SORCS2: variants seen among roughly 807,000 people sequenced by gnomAD.
SORCS2 encodes the protein sortilin related VPS10 domain containing receptor 2.
SORCS2 carries 100 observed loss-of-function variants against 141.6 expected under a neutral mutation model. The observed-to-expected ratio is 0.71, with a 90% CI of 0.60 to 0.83. SORCS2 has a LOEUF of 0.83. Ranked by LOEUF, SORCS2 falls within the 40% of genes least tolerant of loss-of-function variation. The pLI is 0.00. For synonymous variants in SORCS2, 789 were observed against 676.9 expected (o/e 1.17, Z -2.57); for missense variants, 1,646 against 1,560.2 (o/e 1.05, Z -0.93).
intron 3 of SORCS2, among the ~76,000 whole-genome samples, chr4:7,608,214 A>G (rs973966794): frequency 2.0e-5 from 3 of 152,160 alleles, no homozygotes; most frequent in Admixed American, 6.5e-5. Context: ...TCCCTGGCAG[A>G]GCTGCCACCT....
intron 2 of SORCS2, among the ~76,000 whole-genome samples, chr4:7,514,553 G>A (rs1389066933): frequency 6.6e-6 from 1 of 151,994 alleles, no homozygotes; most frequent in Non-Finnish European, 1.5e-5. Context: ...GTCATGGCAG[G>A]GCAGACACTG....
chr4:7,625,205 C>A (rs1202425520), intron 3 of SORCS2, among the ~76,000 whole-genome samples: 1 of 152,120 alleles, frequency 6.6e-6, no homozygotes, highest in African/African-American at 2.4e-5. Context: ...ATTCTGTAAT[C>A]GTGTTTGAGT....
At chr4:7,274,949 G>A (rs768409871) in intron 1 of SORCS2, among the ~76,000 whole-genome samples, 1 of 152,172 alleles carries the variant, frequency 6.6e-6, no homozygotes, top group African/African-American at 2.4e-5. Context: ...CCCACAACAC[G>A]CGCTCTGTGG....
At position 7,664,280 on chromosome 4, in the gene SORCS2, C is replaced by T; in HGVS notation, c.953-73C>T. On this transcript the variant is annotated intron_variant, in intron 6 of 26. Coordinates refer to ENST00000507866, the MANE Select transcript of SORCS2 (RefSeq NM_020777.3). This position sits in a 1 kb window ranked among gnomAD's most constrained non-coding sequence, Gnocchi z 4.7. ...CAGCGGTATTGGAGGAAGATGGAGT[C>T]CAGCACATGTCTCGGGCCGTCTCTG... 1 of 1,230,054 alleles carries T rather than the reference C, an allele frequency of 8.1e-7. No homozygotes were observed. The highest frequency in any genetic ancestry group is 1.2e-6 in the Non-Finnish European group (1 of 858,422). 76.2% of individuals were successfully genotyped at this position (1,230,054 alleles called of 1,614,324 possible). A position where few individuals can be genotyped will look rare whatever the true frequency, so the allele number is the denominator to read the frequency against.
At chr4:7,484,923 G>A (rs1446018073) in intron 2 of SORCS2, among the ~76,000 whole-genome samples, 1 of 151,380 alleles carries the variant, frequency 6.6e-6, no homozygotes, top group Non-Finnish European at 1.5e-5. Context: ...AAGGCCTCCT[G>A]GCTTTCCTTC....
chr4:7,635,294 C>T (rs559976942), intron 3 of SORCS2, among the ~76,000 whole-genome samples: 1 of 152,288 alleles, frequency 6.6e-6, no homozygotes, highest in Admixed American at 6.5e-5. Flanking sequence ...TCTATCCTGA[C>T]CATCCGTGTG....
chr4:7,286,455 A>T lies in SORCS2; in HGVS notation c.480+93329A>T, dbSNP rs1195976566. ...GCAGCCACGAGGCCTGACGTTGGAG[A>T]TGCACCATCCTCTCAGCCCTGTTTC... On this transcript the variant is annotated intron_variant, in intron 1 of 26. Transcript: ENST00000507866. The surrounding 1 kb of genome is among the most constrained non-coding windows in gnomAD (Gnocchi z 4.1). Among the ~76,000 whole-genome samples, 4 of 152,262 alleles carry T rather than the reference A, an allele frequency of 2.6e-5. No individual in the cohort carries two copies. Among genetic ancestry groups the T allele is most frequent in the Non-Finnish European group, 5.9e-5 (4 of 68,020 alleles).
chr4:7,724,867 G>A (rs9799765), intron 19 of SORCS2, among the ~76,000 whole-genome samples: 5,196 of 55,832 alleles, frequency 0.093, 457 homozygotes, highest in Middle Eastern at 0.13. Flanking sequence ...TGATGGTGGT[G>A]GTAGTGGTGA....
intron 3 of SORCS2, among the ~76,000 whole-genome samples, chr4:7,620,725 A>G (rs1719108958): frequency 6.6e-6 from 1 of 152,224 alleles, no homozygotes; most frequent in Non-Finnish European, 1.5e-5. Context: ...GCTGTGGGGC[A>G]GGAGCTCTTT....
intron 2 of SORCS2, among the ~76,000 whole-genome samples, chr4:7,426,894 G>A (rs918128468): frequency 6.6e-6 from 1 of 152,206 alleles, no homozygotes; most frequent in African/African-American, 2.4e-5. Context: ...GCCCAGTTGT[G>A]CTGAGCGGGG....
At chr4:7,730,788 A>G (rs1174146617) in intron 23 of SORCS2, among the ~76,000 whole-genome samples, 1 of 152,214 alleles carries the variant, frequency 6.6e-6, no homozygotes, top group Non-Finnish European at 1.5e-5. Context: ...AGAGGATGAA[A>G]ACGTGCAGGA....
At chr4:7,589,704 T>A (rs184280161) in intron 3 of SORCS2, among the ~76,000 whole-genome samples, 33 of 152,318 alleles carry the variant, frequency 2.2e-4, no homozygotes, top group Admixed American at 1.6e-3. Context: ...CTTGGCCAGC[T>A]GAGTCCCGTT....
chr4:7,398,758 G>A (rs988644182), intron 2 of SORCS2, among the ~76,000 whole-genome samples: 10 of 152,070 alleles, frequency 6.6e-5, no homozygotes, highest in African/African-American at 9.7e-5. Flanking sequence ...TGGCTGTTAC[G>A]AGCCCCTGGA....
At chr4:7,254,395 A>T (rs1713707976) in intron 1 of SORCS2, among the ~76,000 whole-genome samples, 1 of 152,150 alleles carries the variant, frequency 6.6e-6, no homozygotes, top group African/African-American at 2.4e-5. Context: ...GGAAATCATT[A>T]TCTTAAGTGA....
intron 2 of SORCS2, among the ~76,000 whole-genome samples, chr4:7,496,459 TCC>T (rs1731631239): frequency 7.5e-5 from 2 of 26,664 alleles, no homozygotes; most frequent in Non-Finnish European, 1.3e-4. Context: ...CCGTTCCCCG[TCC>T]CCCGTCCCCC....
At chr4:7,417,450 G>C (rs915824192) in intron 2 of SORCS2, among the ~76,000 whole-genome samples, 1 of 152,184 alleles carries the variant, frequency 6.6e-6, no homozygotes, top group Admixed American at 6.5e-5. Context: ...ATGGTAGCTT[G>C]GGGGTAGAAG....
chr4:7,491,328 T>C lies in SORCS2; in HGVS notation c.549-40202T>C, dbSNP rs898629702. 3.3e-5 allele frequency among the ~76,000 whole-genome samples: 5 copies of C among 152,228 alleles called. No individual in the cohort carries two copies. In the East Asian group the frequency reaches 7.7e-4, roughly 23 times the overall value. ...TTGTGGTGCTGGGTGGCCCTGAGGC[T>C]GCACTGGGCTGGGGCACCCCACCCC... On this transcript the variant is annotated intron_variant, in intron 2 of 26. Transcript: ENST00000507866.
At chr4:7,477,369 TGGCTG>T (rs1730365261) in intron 2 of SORCS2, among the ~76,000 whole-genome samples, 1 of 135,124 alleles carries the variant, frequency 7.4e-6, no homozygotes, top group African/African-American at 2.7e-5. Context: ...GGGCTGACCG[TGGCTG>T]ACCGTGGCTG....
intron 2 of SORCS2, among the ~76,000 whole-genome samples, chr4:7,506,325 T>G (rs989870082): frequency 6.6e-6 from 1 of 152,128 alleles, no homozygotes; most frequent in African/African-American, 2.4e-5. Flanking sequence ...GGCGTCCAGC[T>G]CCATTTGGCA....
Sources: gnomAD v4.1 joint callset for allele counts (sites outside exome capture counted in the v4.1 genomes callset) on GRCh38, gnomAD v4.1.1 for gene constraint, Gnocchi (gnomAD v3.1) non-coding constraint, MANE v1.5 for transcripts, NCBI Gene and HGNC (gene_info 2026-07-23, HGNC 2026-07-21) for gene names.